The following LUZP1 variants were observed in gnomAD, a reference collection of about 807,000 sequenced individuals.
LUZP1 encodes leucine zipper protein 1.
In LUZP1, 25 loss-of-function variants were observed where a neutral mutation model predicts 71.3. The ratio of observed to expected loss-of-function variants is 0.35; its 90% CI spans 0.26 to 0.49. LUZP1 has a LOEUF of 0.49. Among genes scored for constraint, LUZP1 ranks in the 20% least tolerant of loss-of-function variants. LUZP1 has a pLI of 0.99. For missense variants in LUZP1, 1,142 were observed against 1,300.8 expected (o/e 0.88, Z 1.88); for synonymous variants, 481 against 506.4 (o/e 0.95, Z 0.67).
chr1:23,109,294 G>A (rs1407431309), intron 2 of LUZP1, among the ~76,000 whole-genome samples, 167 bp from the exon 2 acceptor site: 1 of 152,194 alleles, frequency 6.6e-6, no homozygotes, highest in African/African-American at 2.4e-5. Context: ...ACCTGGCTAA[G>A]CTGGCTATGT....
exon 4 of LUZP1, chr1:23,092,173 G>C (rs773399767): frequency 1.2e-6 from 2 of 1,613,962 alleles, no homozygotes; most frequent in African/African-American, 1.3e-5. Flanking sequence ...GGTGCCCCTC[G>C]GGTTTTAGCC....
At chr1:23,174,343 C>G (rs983219389) in intron 1 of LUZP1, among the ~76,000 whole-genome samples, 1 of 152,120 alleles carries the variant, frequency 6.6e-6, no homozygotes, top group African/African-American at 2.4e-5. Context: ...GACAAGGGCC[C>G]TTGTTCTTTG....
At chr1:23,160,095 C>T (rs2148203239) in intron 2 of LUZP1, among the ~76,000 whole-genome samples, 1 of 152,252 alleles carries the variant, frequency 6.6e-6, no homozygotes, top group East Asian at 1.9e-4. Flanking sequence ...ACAGTAGGTA[C>T]CTCCTAAAAA....
At chr1:23,111,258 A>G (rs1273930099) in intron 2 of LUZP1, among the ~76,000 whole-genome samples, 1 of 150,542 alleles carries the variant, frequency 6.6e-6, no homozygotes, top group African/African-American at 2.4e-5. Flanking sequence ...ATAAGTATAA[A>G]AAAGGATCTA....
intron 2 of LUZP1, among the ~76,000 whole-genome samples, chr1:23,132,193 C>T (rs1644220574): frequency 6.6e-6 from 1 of 152,152 alleles, no homozygotes; most frequent in Admixed American, 6.5e-5. Context: ...TCAACAAATA[C>T]TCATTAAGTA....
chr1:23,115,475 T>C lies in LUZP1; in HGVS notation c.-225-6348A>G, dbSNP rs550411011. ...TTTGGGAGTGCTTATTAATAAATAA[T>C]TGATAAAACTAGGTTGAGATTAATG... On this transcript the variant is annotated intron_variant, in intron 2 of 4. Transcript: ENST00000302291. Among the ~76,000 whole-genome samples the C allele has an allele frequency of 4.6e-5, 7 of 152,310 alleles. No individual in the cohort carries two copies. The South Asian group carries it at 1.5e-3, about 32-fold the overall frequency.
intron 3 of LUZP1, among the ~76,000 whole-genome samples, chr1:23,105,155 G>C (rs1643970402): frequency 6.6e-6 from 1 of 152,186 alleles, no homozygotes; most frequent in South Asian, 2.1e-4. Flanking sequence ...GGGTGCTATT[G>C]TAATAGTCAA....
At position 23,110,184 on chromosome 1, in the gene LUZP1, A is replaced by G. The variant is rs550565670; in HGVS notation, c.-225-1057T>C. On this transcript the variant is annotated intron_variant, in intron 2 of 4. Transcript: ENST00000302291. The stretch of plus-strand genomic sequence containing the variant: ...TGGCTCTCATTTTGTTGCCCTCTAG[A>G]CTCGGTCCTCAAAAGAGCCCTGAAC... 2.1e-3 allele frequency among the ~76,000 whole-genome samples: 321 copies of G among 152,194 alleles called. 1 individual carries two copies. The highest frequency in any genetic ancestry group is 6.8e-3 in the Middle Eastern group (2 of 294).
At chr1:23,102,697 T>C (rs570362416) in intron 3 of LUZP1, among the ~76,000 whole-genome samples, 1 of 152,232 alleles carries the variant, frequency 6.6e-6, no homozygotes, top group Admixed American at 6.5e-5. Flanking sequence ...TGGTAGCTCA[T>C]GCCTGTAATC....
intron 2 of LUZP1, among the ~76,000 whole-genome samples, chr1:23,154,445 T>G (rs982607844): frequency 6.6e-6 from 1 of 151,918 alleles, no homozygotes; most frequent in African/African-American, 2.4e-5. Context: ...GAGGCTGAGG[T>G]GGAAGGACTG....
chr1:23,091,463 T>C (rs1162858402), exon 4 of LUZP1: 1 of 1,614,174 alleles, frequency 6.2e-7, no homozygotes, highest in Admixed American at 1.7e-5. Context: ...GGGGGTCTTC[T>C]AAAGATTTCA....
intron 2 of LUZP1, among the ~76,000 whole-genome samples, chr1:23,112,045 A>C (rs1289662563): frequency 6.6e-6 from 1 of 152,200 alleles, no homozygotes; most frequent in African/African-American, 2.4e-5. Flanking sequence ...ACAAGACAGA[A>C]TGCACTGCCA....
chr1:23,119,165 C>G (rs908195399), intron 2 of LUZP1, among the ~76,000 whole-genome samples: 74 of 151,880 alleles, frequency 4.9e-4, no homozygotes, highest in African/African-American at 1.7e-3. Flanking sequence ...AATTATAGAC[C>G]ACCTTATTCT....
intron 2 of LUZP1, among the ~76,000 whole-genome samples, chr1:23,167,044 C>T (rs1644515427): frequency 6.6e-6 from 1 of 152,096 alleles, no homozygotes; most frequent in Admixed American, 6.5e-5. Context: ...TGAGCAAAAC[C>T]TTAATCTGCC....
Position 23,093,244 on chromosome 1 carries a change from G to A in LUZP1, c.1018C>T (p.Leu340=). The A allele has an allele frequency of 3.7e-6, 6 of 1,613,740 alleles. No homozygotes were observed. The highest frequency in any genetic ancestry group is 5.1e-6 in the Non-Finnish European group (6 of 1,179,938). The change falls in exon 4 of 5, where the codon CTG becomes TTG. Residue 340 remains leucine (L), a synonymous_variant. Coordinates refer to ENST00000302291, the Ensembl canonical transcript of LUZP1. The surrounding 1 kb of genome is among the most constrained non-coding windows in gnomAD (Gnocchi z 4.2). The stretch of plus-strand genomic sequence containing the variant: ...TTGATTTGTAGCTTTATCTCCTCCA[G>A]TTGGCTGGCTAATAATTTGTTTTTA...
intron 2 of LUZP1, among the ~76,000 whole-genome samples, chr1:23,137,318 A>T (rs1315024021): frequency 6.6e-6 from 1 of 152,216 alleles, no homozygotes; most frequent in Non-Finnish European, 1.5e-5. Context: ...GATGCTCAAC[A>T]TCATTAACTG....
At chr1:23,138,724 C>G (rs1644276575) in intron 2 of LUZP1, among the ~76,000 whole-genome samples, 1 of 141,628 alleles carries the variant, frequency 7.1e-6, no homozygotes, top group African/African-American at 2.7e-5. Flanking sequence ...TAAATGAGGC[C>G]AGGCACAGTG....
chr1:23,090,160 G>T (rs1463840960), intron 4 of LUZP1, among the ~76,000 whole-genome samples: 1 of 152,126 alleles, frequency 6.6e-6, no homozygotes, highest in Non-Finnish European at 1.5e-5. Flanking sequence ...AAGAGCATTG[G>T]ATTTAGAGAC....
At chr1:23,103,934 G>A (rs1643958238) in intron 3 of LUZP1, among the ~76,000 whole-genome samples, 1 of 134,524 alleles carries the variant, frequency 7.4e-6, no homozygotes, top group Admixed American at 7.8e-5. Context: ...GGGGAAGGAG[G>A]GAGGGAGTGA....
Sources: gnomAD v4.1 joint callset for allele counts (sites outside exome capture counted in the v4.1 genomes callset) on GRCh38, gnomAD v4.1.1 for gene constraint, Gnocchi (gnomAD v3.1) non-coding constraint, MANE v1.5 for transcripts, NCBI Gene and HGNC (gene_info 2026-07-23, HGNC 2026-07-21) for gene names.